MEP1B: variants seen among roughly 807,000 people sequenced by gnomAD.
MEP1B encodes the protein meprin A subunit beta.
MEP1B carries 80 observed loss-of-function variants against 84.6 expected under a neutral mutation model. The ratio of observed to expected loss-of-function variants is 0.95; its 90% confidence interval spans 0.79 to 1.14. The LOEUF (loss-of-function observed/expected upper bound fraction) is 1.14. Among genes scored for constraint, MEP1B ranks in the 50% most tolerant of loss-of-function variants. The pLI, the probability that MEP1B is intolerant of heterozygous loss-of-function variation, is 0.00. For synonymous variants in MEP1B, 273 were observed against 288.1 expected (o/e 0.95, Z 0.53); for missense variants, 766 against 855.1 (o/e 0.90, Z 1.30).
chr18:32,209,411 C>T (rs929962099), intron 9 of MEP1B, among the ~76,000 whole-genome samples: 1 of 149,726 alleles, frequency 6.7e-6, no homozygotes, highest in Admixed American at 6.7e-5. Flanking sequence ...CACTTGAACC[C>T]GGGGGGCAGA....
intron 7 of MEP1B, among the ~76,000 whole-genome samples, chr18:32,206,136 C>G (rs996168845): frequency 2.6e-5 from 4 of 152,102 alleles, no homozygotes; most frequent in African/African-American, 9.7e-5. Flanking sequence ...CGCCCGCCAC[C>G]ACACCCGGCT....
chr18:32,198,986 A>G (rs757851611), intron 5 of MEP1B, among the ~76,000 whole-genome samples: 1 of 152,158 alleles, frequency 6.6e-6, no homozygotes, highest in African/African-American at 2.4e-5. Context: ...GTGGGTGTAG[A>G]GAAAGAGATT....
In MEP1B at chr18:32,217,767, G is replaced by T. The variant is rs1320300430; in HGVS notation, c.1893G>T (p.Gln631His). The T allele has an allele frequency of 3.1e-6, 5 of 1,613,446 alleles. No homozygotes were observed. The highest frequency in any genetic ancestry group is 4.2e-6 in the Non-Finnish European group (5 of 1,179,668). The change falls in exon 14 of 15, where the codon CAG becomes CAT. Residue 631 changes from glutamine to histidine, a missense_variant. Coordinates refer to ENST00000269202, the MANE Select transcript of MEP1B (RefSeq NM_005925.3). ...VRDGKAECRC[Q>H]SGEDWWYMGE... is the part of the protein sequence containing the mutation. The stretch of plus-strand genomic sequence containing the variant: ...TCATGCTCTCAACATGCAGGTGCCA[G>T]TCAGGGGAAGACTGGTGGTACATGG...
chr18:32,216,916 G>A, intron 12 of MEP1B, 75 bp from the exon 13 acceptor site: 14 of 1,424,540 alleles, frequency 9.8e-6, no homozygotes, highest in South Asian at 4.1e-5. Context: ...AACATTAAAA[G>A]AAAATGAAAA....
intron 4 of MEP1B, among the ~76,000 whole-genome samples, chr18:32,193,290 T>G (rs373237101): frequency 6.6e-6 from 1 of 152,128 alleles, no homozygotes; most frequent in African/African-American, 2.4e-5. Flanking sequence ...TCATAAAGAG[T>G]GCTGATTCTC....
At chr18:32,197,415 T>TG (rs1014672352) in intron 5 of MEP1B, among the ~76,000 whole-genome samples, 9 of 150,910 alleles carry the variant, frequency 6.0e-5, no homozygotes, top group Non-Finnish European at 1.3e-4. Context: ...GTTTTTTTTT[T>TG]TTTGTTTTGA....
chr18:32,216,016 ATATC>A (rs1464928464), intron 12 of MEP1B, among the ~76,000 whole-genome samples: 2 of 94,164 alleles, frequency 2.1e-5, no homozygotes, highest in Non-Finnish European at 4.5e-5. Context: ...ATATATATAT[ATATC>A]TTGACAGAAA....
At chr18:32,199,643 ATTC>A (rs1484406609) in intron 5 of MEP1B, among the ~76,000 whole-genome samples, 1 of 149,342 alleles carries the variant, frequency 6.7e-6, no homozygotes, top group Non-Finnish European at 1.5e-5. Context: ...TTTTGTTTTA[ATTC>A]TTCCTTTTTT....
rs768501084 is a variant in MEP1B at position 32,213,450 on chromosome 18, G to T, written c.1470G>T (p.Trp490Cys). The T allele has an allele frequency of 9.2e-5, 149 of 1,613,820 alleles. 6 individuals carry two copies. In the South Asian group the frequency reaches 1.2e-3, roughly 13 times the overall value. ...GAGCCAATGATGATCAATTACAGTGGCCATGTCCTTGGCAACAAGCCACAA... is the reference window on the plus strand; with the variant it reads ...GAGCCAATGATGATCAATTACAGTGTCCATGTCCTTGGCAACAAGCCACAA... ...ISGANDDQLQ[W>C]PCPWQQATMT... Residue 490 changes from tryptophan (W) to cysteine (C), a missense_variant, in exon 11 of 15, where the codon TGG becomes TGT. Coordinates refer to ENST00000269202, the MANE Select transcript of MEP1B (RefSeq NM_005925.3).
Position 32,200,733 on chromosome 18 carries a change from G to A in MEP1B, c.251-2160G>A, listed in dbSNP as rs146307802. ...GGTAGATGCAACTTCCCTGAAAGGAGTAATACTCATAGCAGCCATTTATAG... is the reference window on the plus strand; with the variant it reads ...GGTAGATGCAACTTCCCTGAAAGGAATAATACTCATAGCAGCCATTTATAG... On this transcript the variant is annotated intron_variant, in intron 5 of 14. Coordinates refer to ENST00000269202, the MANE Select transcript of MEP1B (RefSeq NM_005925.3). Among the ~76,000 whole-genome samples the A allele has an allele frequency of 2.9e-3, 442 of 152,326 alleles. 1 individual carries two copies. The highest frequency in any genetic ancestry group is 4.8e-3 in the Admixed American group (73 of 15,294).
At chr18:32,210,831 A>G (rs757114595) in intron 10 of MEP1B, 115 bp downstream of exon 10, 17 of 775,552 alleles carry the variant, frequency 2.2e-5, no homozygotes, top group Non-Finnish European at 3.6e-5. Context: ...CTATACTTCA[A>G]CTAAGAACTA....
chr18:32,200,421 TTA>T (rs760035203), intron 5 of MEP1B, among the ~76,000 whole-genome samples: 4 of 152,306 alleles, frequency 2.6e-5, no homozygotes, highest in Non-Finnish European at 5.9e-5. Context: ...GTGATTTTGA[TTA>T]TTTCTTATTT....
chr18:32,204,507 T>C, intron 7 of MEP1B, 147 bp downstream of exon 7: 1 of 722,406 alleles, frequency 1.4e-6, no homozygotes, highest in African/African-American at 1.8e-5. Context: ...TCATTCTGAG[T>C]TATTGGAGCA....
In MEP1B at chr18:32,208,277, A is replaced by G. The variant is rs572759133; in HGVS notation, c.919+6A>G. 50 of 1,612,938 alleles carry G rather than the reference A, an allele frequency of 3.1e-5. 1 individual carries two copies. The South Asian group carries it at 5.2e-4, about 17-fold the overall frequency. ...CAACATGGGCCAGTGCCAAGGTAAC[A>G]GGAGTGAGATATTCCTAGACTGTAT... is the stretch of plus-strand genomic sequence containing the variant. On this transcript the variant is annotated splice_donor_region_variant and intron_variant, in intron 9 of 14. Transcript: ENST00000269202.
At position 32,199,672 on chromosome 18, in the gene MEP1B, C is replaced by G. The variant is rs879287141; in HGVS notation, c.251-3221C>G. Among the ~76,000 whole-genome samples the G allele has an allele frequency of 6.7e-3, 837 of 124,946 alleles. 1 individual carries two copies. Among genetic ancestry groups the G allele is most frequent in the Middle Eastern group, 0.013 (3 of 232 alleles). The allele number at this position is 124,946 out of a possible 152,430, so 82.0% of individuals were successfully genotyped here. A position where few individuals can be genotyped will look rare whatever the true frequency, so the allele number is the denominator to read the frequency against. ...TTCCTTTTTTTCCTTTCGTTCGTTC[C>G]TTCCTTCCTTCCTTCCTTCCTTCCT... On this transcript the variant is annotated intron_variant, in intron 5 of 14. Transcript: ENST00000269202.
At chr18:32,191,989 A>G in intron 2 of MEP1B, 149 bp downstream of exon 2, 2 of 582,272 alleles carry the variant, frequency 3.4e-6, no homozygotes, top group South Asian at 2.3e-5. Context: ...ATGGAGGGAC[A>G]TTTTATTGTC....
At chr18:32,218,408 G>T (rs913120435) in intron 14 of MEP1B, among the ~76,000 whole-genome samples, 1 of 152,200 alleles carries the variant, frequency 6.6e-6, no homozygotes, top group Non-Finnish European at 1.5e-5. Context: ...ATTAAAGAAG[G>T]TTCCAGTTCA....
intron 10 of MEP1B, among the ~76,000 whole-genome samples, chr18:32,211,291 T>A (rs561967926): frequency 1.3e-5 from 2 of 151,752 alleles, no homozygotes; most frequent in East Asian, 3.9e-4. Context: ...TAAAATAAAA[T>A]AAAATAAAAA....
chr18:32,211,876 T>C (rs1268147123), intron 10 of MEP1B, among the ~76,000 whole-genome samples: 2 of 152,058 alleles, frequency 1.3e-5, no homozygotes, highest in African/African-American at 4.8e-5. Context: ...AGTATGCCAT[T>C]TTCCTCCTGT....
Sources: gnomAD v4.1 joint callset for allele counts (sites outside exome capture counted in the v4.1 genomes callset) on GRCh38, gnomAD v4.1.1 for gene constraint, MANE v1.5 for transcripts, NCBI Gene and HGNC (gene_info 2026-07-23, HGNC 2026-07-21) for gene names.